PRELID3A: variants seen among roughly 807,000 people sequenced by gnomAD.
PRELID3A encodes PRELI domain containing 3A, also known as PRELI domain containing protein 3A.
A neutral mutation model predicts 23.0 loss-of-function variants in PRELID3A; 27 were observed. That is an observed-to-expected ratio of 1.17 (90% confidence interval 0.87 to 1.62). The LOEUF is 1.62. Ranked by LOEUF, PRELID3A falls within the 40% of genes most tolerant of loss-of-function variation. The probability of loss-of-function intolerance (pLI) is 0.00; values close to 1 mark genes in which losing one functional copy is unlikely to be tolerated. For missense variants in PRELID3A, 231 were observed against 231.4 expected (o/e 1.00, Z 0.01); for synonymous variants, 87 against 86.4 (o/e 1.01, Z -0.04).
Position 12,427,302 on chromosome 18 carries a change from G to A in PRELID3A, c.444G>A (p.Thr148=), listed in dbSNP as rs762892823. Residue 148 remains threonine, a synonymous_variant, in exon 5 of 7, where the codon ACG becomes ACA. Coordinates refer to ENST00000440960, the MANE Select transcript of PRELID3A (RefSeq NM_001142405.2). ...ATTTGGAAAGTTTAATGGCCAATACGATATCATCCAATGCAAAGAAGGTAT... is the reference window on the plus strand; with the variant it reads ...ATTTGGAAAGTTTAATGGCCAATACAATATCATCCAATGCAAAGAAGGTAT... ...GSYLESLMAN[T]ISSNAKKGWA... is the part of the protein sequence containing the mutation. 42 of 1,611,956 alleles carry A rather than the reference G, an allele frequency of 2.6e-5. No individual in the cohort carries two copies. Among genetic ancestry groups the A allele is most frequent in the Admixed American group, 1.0e-4 (6 of 60,008 alleles).
intron 1 of PRELID3A, among the ~76,000 whole-genome samples, chr18:12,415,703 T>A (rs1460402512): frequency 6.6e-6 from 1 of 152,196 alleles, no homozygotes; most frequent in Non-Finnish European, 1.5e-5. Context: ...CCCCACCCAC[T>A]GCTCCTTCCC....
intron 1 of PRELID3A, among the ~76,000 whole-genome samples, chr18:12,411,992 G>A (rs1414531459): frequency 6.7e-6 from 1 of 148,592 alleles, no homozygotes; most frequent in South Asian, 2.1e-4. Context: ...CTCACTGCAA[G>A]CTCCGCCTCC....
At chr18:12,416,321 GT>G (rs1008630587) in intron 1 of PRELID3A, among the ~76,000 whole-genome samples, 1 of 151,602 alleles carries the variant, frequency 6.6e-6, no homozygotes, top group Admixed American at 6.6e-5. Flanking sequence ...GTTGTTGTTT[GT>G]TTTTTTAGAC....
chr18:12,429,433 G>A lies in PRELID3A; in HGVS notation c.*30G>A. ...GCCTGTGCCTGTGCTTGTCATAAAT[G>A]GTGGTGAGTACAGTATTCACTCACC... On this transcript the variant is annotated 3_prime_UTR_variant, in exon 6 of 7. Coordinates refer to ENST00000440960, the MANE Select transcript of PRELID3A (RefSeq NM_001142405.2). 1 of 1,602,204 alleles carries A rather than the reference G, an allele frequency of 6.2e-7. No homozygotes were observed. The highest frequency in any genetic ancestry group is 1.1e-5 in the South Asian group (1 of 90,752).
intron 2 of PRELID3A, among the ~76,000 whole-genome samples, chr18:12,421,074 G>T (rs950634567): frequency 6.6e-6 from 1 of 152,162 alleles, no homozygotes; most frequent in Non-Finnish European, 1.5e-5. Flanking sequence ...ATCTGAGCAC[G>T]GCTCACCCCA....
At chr18:12,424,552 T>A (rs2030295189) in intron 3 of PRELID3A, among the ~76,000 whole-genome samples, 1 of 152,238 alleles carries the variant, frequency 6.6e-6, no homozygotes, top group African/African-American at 2.4e-5. Context: ...CCCATACACG[T>A]GAGACTCTTG....
chr18:12,427,041 A>G lies in PRELID3A; in HGVS notation c.292A>G (p.Ile98Val). 1 of 1,610,004 alleles carries G rather than the reference A, an allele frequency of 6.2e-7. No individual in the cohort carries two copies. Among genetic ancestry groups the G allele is most frequent in the Non-Finnish European group, 8.5e-7 (1 of 1,176,272 alleles). Reference protein sequence around the residue: ...EKKMELCSTNITLTNLVSVNE... With the variant: ...EKKMELCSTNVTLTNLVSVNE... ...TCTAAACCTTTTTTTTCTTTTTAAG[A>G]TCACACTCACAAATTTGGTGTCAGT... The change falls in exon 4 of 7, where the codon ATC (isoleucine) becomes GTC (valine). Residue 98 changes from isoleucine (I) to valine (V), a missense_variant and splice_region_variant. Ile to Val is a conservative substitution (Grantham distance 29, BLOSUM62 3). Transcript: ENST00000440960.
chr18:12,427,415 G>A, intron 5 of PRELID3A, 92 bp downstream of exon 5: 2 of 1,015,562 alleles, frequency 2.0e-6, no homozygotes, highest in Non-Finnish European at 3.0e-6. Context: ...CAGTCTTCCT[G>A]GCTGGGCATG....
rs776608791 is a variant in PRELID3A, at chr18:12,421,537, T to C, written c.202-3T>C. The C allele has an allele frequency of 6.2e-7, 1 of 1,606,494 alleles. No homozygotes were observed. Among genetic ancestry groups the C allele is most frequent in the Non-Finnish European group, 8.5e-7 (1 of 1,173,036 alleles). Reference sequence around the variant, plus strand: ...ACTATGCTAGTTTTGCTTTGTTTTCTAGATTTTGGGAACCAGTAGGACATT... The same window carrying C: ...ACTATGCTAGTTTTGCTTTGTTTTCCAGATTTTGGGAACCAGTAGGACATT... On this transcript the variant is annotated splice_polypyrimidine_tract_variant and splice_region_variant and intron_variant, in intron 2 of 6. Transcript: ENST00000440960.
At chr18:12,415,225 T>C (rs2029906451) in intron 1 of PRELID3A, among the ~76,000 whole-genome samples, 1 of 151,940 alleles carries the variant, frequency 6.6e-6, no homozygotes, top group Non-Finnish European at 1.5e-5. Flanking sequence ...CCAACACACC[T>C]GGTCTGCCTA....
rs138384429 is a variant in PRELID3A at position 12,429,892 on chromosome 18, C to G, written c.*33+456C>G. ...CCACACGGCTGCAGCCGGCCATTTC[C>G]TTTTAGCAGTGGAAGCCTTTCTGGC... On this transcript the variant is annotated intron_variant, in intron 6 of 6. Coordinates refer to ENST00000440960, the MANE Select transcript of PRELID3A (RefSeq NM_001142405.2). Among the ~76,000 whole-genome samples the G allele has an allele frequency of 3.8e-4, 58 of 152,382 alleles. No homozygotes were observed. In the East Asian group the frequency reaches 7.3e-3, roughly 19 times the overall value.
intron 3 of PRELID3A, among the ~76,000 whole-genome samples, chr18:12,425,970 C>T (rs2030346880): frequency 6.6e-6 from 1 of 152,068 alleles, no homozygotes; most frequent in South Asian, 2.1e-4. Flanking sequence ...GGTGTGGTGG[C>T]TCATGCCTGT....
chr18:12,412,667 A>G (rs1167365003), intron 1 of PRELID3A, among the ~76,000 whole-genome samples: 1 of 152,124 alleles, frequency 6.6e-6, no homozygotes, highest in African/African-American at 2.4e-5. Context: ...CCCTGTGTCT[A>G]TTTCCCACTC....
chr18:12,417,504 CATT>C (rs201701724), intron 1 of PRELID3A, among the ~76,000 whole-genome samples: 1 of 151,776 alleles, frequency 6.6e-6, no homozygotes, highest in East Asian at 1.9e-4. Context: ...ATGAAAGAAA[CATT>C]ATTTGAGATA....
At chr18:12,430,348 G>A (rs2030528394) in intron 6 of PRELID3A, among the ~76,000 whole-genome samples, 1 of 146,282 alleles carries the variant, frequency 6.8e-6, no homozygotes, top group Admixed American at 6.9e-5. Flanking sequence ...GCTGTGCGTG[G>A]TATGTATATA....
Position 12,420,314 on chromosome 18 carries a change from T to G in PRELID3A, c.33-11T>G. On this transcript the variant is annotated splice_polypyrimidine_tract_variant and intron_variant, in intron 1 of 6. Transcript: ENST00000440960. ...GGCGCTTGCTCACCGCCGCCTATGC[T>G]CTCCCCGCAGCCACCCGTGGGACAC... is the stretch of plus-strand genomic sequence containing the variant. 1 of 1,598,460 alleles carries G rather than the reference T, an allele frequency of 6.3e-7. No individual in the cohort carries two copies. The highest frequency in any genetic ancestry group is 1.1e-5 in the South Asian group (1 of 88,426).
At chr18:12,418,918 G>A (rs2030046542) in intron 1 of PRELID3A, among the ~76,000 whole-genome samples, 1 of 152,220 alleles carries the variant, frequency 6.6e-6, no homozygotes, top group Non-Finnish European at 1.5e-5. Context: ...GCTGAGTGCG[G>A]TGGCTCATGC....
intron 3 of PRELID3A, 125 bp downstream of exon 3, chr18:12,421,754 T>C: frequency 1.6e-6 from 1 of 638,796 alleles, no homozygotes; most frequent in South Asian, 2.0e-5. Context: ...ACAGAAAGGC[T>C]GAATTCATTT....
chr18:12,424,765 G>A (rs1326448827), intron 3 of PRELID3A, among the ~76,000 whole-genome samples: 1 of 152,238 alleles, frequency 6.6e-6, no homozygotes, highest in Non-Finnish European at 1.5e-5. Flanking sequence ...AGGGTGAACT[G>A]AGTTAAACAA....
Sources: allele counts gnomAD v4.1 joint callset (sites outside exome capture counted in the v4.1 genomes callset), GRCh38; gene constraint gnomAD v4.1.1; transcripts MANE v1.5; gene names NCBI Gene and HGNC (gene_info 2026-07-23, HGNC 2026-07-21).